The following LIN28B variants were observed in gnomAD, a reference collection of about 807,000 sequenced individuals.
The protein encoded by LIN28B is protein lin-28 homolog B.
In LIN28B, 5 loss-of-function variants were observed where a neutral mutation model predicts 21.9. The ratio of observed to expected loss-of-function variants is 0.23; its 90% CI spans 0.12 to 0.48. LIN28B has a LOEUF of 0.48. Among genes scored for constraint, LIN28B ranks in the 20% least tolerant of loss-of-function variants. The pLI is 0.98. For synonymous variants in LIN28B, 109 were observed against 111.3 expected (o/e 0.98, Z 0.13); for missense variants, 245 against 310.5 (o/e 0.79, Z 1.58).
At chr6:105,018,659 A>G (rs1227342521) in intron 2 of LIN28B, among the ~76,000 whole-genome samples, 6 of 151,682 alleles carry the variant, frequency 4.0e-5, no homozygotes, top group Admixed American at 3.3e-4. Flanking sequence ...GTCTTTTTGA[A>G]TTCATCCTCT....
At chr6:105,064,577 A>C (rs115063101) in intron 3 of LIN28B, among the ~76,000 whole-genome samples, 68 of 152,350 alleles carry the variant, frequency 4.5e-4, no homozygotes, top group African/African-American at 1.6e-3. Context: ...ATTACATGTC[A>C]AACACATAAA....
chr6:104,948,337 C>T (rs1437781929), intron 2 of LIN28B, among the ~76,000 whole-genome samples: 1 of 152,064 alleles, frequency 6.6e-6, no homozygotes, highest in Non-Finnish European at 1.5e-5. Context: ...CATGGTCGCA[C>T]ATGCCTGTAA....
At chr6:105,027,649 G>A (rs1582904854) in intron 3 of LIN28B, among the ~76,000 whole-genome samples, 2 of 151,888 alleles carry the variant, frequency 1.3e-5, no homozygotes, top group South Asian at 2.1e-4. Context: ...TTACAGACAA[G>A]TCTGTGACTC....
At chr6:104,988,868 T>G (rs1254430294) in intron 2 of LIN28B, among the ~76,000 whole-genome samples, 1 of 152,014 alleles carries the variant, frequency 6.6e-6, no homozygotes, top group Non-Finnish European at 1.5e-5. Context: ...CGTGATCCAC[T>G]GTGCCCAGCC....
At chr6:105,027,379 T>G (rs221617) in intron 3 of LIN28B, among the ~76,000 whole-genome samples, 79,888 of 151,828 alleles carry the variant, frequency 0.53, 22,200 homozygotes, top group East Asian at 0.67. Flanking sequence ...TTGTGGTTTT[T>G]TTCACATTAT....
At position 105,078,897 on chromosome 6, in the gene LIN28B, G is replaced by A. The variant is rs918993026; in HGVS notation, c.*114G>A. 8.0e-7 allele frequency: 1 copy of A among 1,249,294 alleles called. No homozygotes were observed. The highest frequency in any genetic ancestry group is 1.5e-5 in the South Asian group (1 of 65,332). 77.4% of individuals were successfully genotyped at this position (1,249,294 alleles called of 1,614,324 possible). A position where few individuals can be genotyped will look rare whatever the true frequency, so the allele number is the denominator to read the frequency against. ...TGACCTGGGATTTTAACTACTATTG[G>A]GGAACTGTGAATTTTTTAAACAGAC... is the stretch of plus-strand genomic sequence containing the variant. On this transcript the variant is annotated 3_prime_UTR_variant, in exon 4 of 4. Transcript: ENST00000345080.
chr6:104,978,048 T>A lies in LIN28B; in HGVS notation c.198+19762T>A, dbSNP rs187776204. 2.6e-3 allele frequency among the ~76,000 whole-genome samples: 400 copies of A among 152,366 alleles called. 6 individuals are homozygous for A. Among genetic ancestry groups the A allele is most frequent in the African/African-American group, 9.4e-3 (389 of 41,600 alleles). ...ACTCTTCTTGTTTAAGAAAACCAAG[T>A]GTTTAACCTATATTCCATCCCCTTC... On this transcript the variant is annotated intron_variant, in intron 2 of 3. Transcript: ENST00000345080.
intron 3 of LIN28B, among the ~76,000 whole-genome samples, chr6:105,042,522 T>C (rs943790567): frequency 1.3e-5 from 2 of 152,218 alleles, no homozygotes; most frequent in African/African-American, 4.8e-5. Flanking sequence ...TCATGTCTTT[T>C]CTCAGCATTT....
intron 2 of LIN28B, among the ~76,000 whole-genome samples, chr6:104,983,909 G>A (rs1480653012): frequency 4.6e-5 from 7 of 151,980 alleles, no homozygotes; most frequent in South Asian, 2.1e-4. Context: ...TTTTCTGATC[G>A]GCTACAGACC....
At chr6:104,949,760 G>T (rs1284764538) in intron 2 of LIN28B, among the ~76,000 whole-genome samples, 2 of 152,082 alleles carry the variant, frequency 1.3e-5, no homozygotes, top group Non-Finnish European at 1.5e-5. Flanking sequence ...CTTGATTACT[G>T]TGTGGCCTCT....
chr6:104,991,538 C>T (rs1364035085), intron 2 of LIN28B, among the ~76,000 whole-genome samples: 39 of 147,400 alleles, frequency 2.6e-4, no homozygotes, highest in African/African-American at 8.1e-4. Flanking sequence ...ACTGGGCAGC[C>T]GGGCAGAGGG....
intron 3 of LIN28B, among the ~76,000 whole-genome samples, chr6:105,035,323 G>C (rs995197764): frequency 1.3e-5 from 2 of 152,002 alleles, no homozygotes; most frequent in African/African-American, 4.8e-5. Flanking sequence ...ATAAATAACT[G>C]TTTCACCCTG....
At chr6:104,943,971 A>G (rs1468670797) in intron 2 of LIN28B, among the ~76,000 whole-genome samples, 1 of 152,170 alleles carries the variant, frequency 6.6e-6, no homozygotes, top group Non-Finnish European at 1.5e-5. Context: ...TTTCTCTGAC[A>G]CAATGATGCT....
intron 3 of LIN28B, among the ~76,000 whole-genome samples, chr6:105,028,320 T>C (rs747536123): frequency 6.6e-6 from 1 of 152,070 alleles, no homozygotes; most frequent in Non-Finnish European, 1.5e-5. Flanking sequence ...AAATTTTAGG[T>C]TGAAAAGTAA....
rs560599210 is a variant in LIN28B, at chr6:104,958,184, C to G, written c.96C>G (p.Gly32=). The G allele has an allele frequency of 6.8e-6, 11 of 1,609,052 alleles. No homozygotes were observed. The South Asian group carries it at 1.2e-4, about 18-fold the overall frequency. The change falls in exon 2 of 4, where the codon GGC becomes GGG. Residue 32 remains glycine, a synonymous_variant. Transcript: ENST00000345080. ...EEESQVLRGT[G]HCKWFNVRMG... is the part of the protein sequence containing the mutation. ...AATCCCAGGTTTTGCGCGGAACTGG[C>G]CACTGTAAGTGGTTCAATGTGCGCA...
chr6:104,976,072 G>C (rs1770088532), intron 2 of LIN28B, among the ~76,000 whole-genome samples: 1 of 152,122 alleles, frequency 6.6e-6, no homozygotes, highest in African/African-American at 2.4e-5. Context: ...CCCCAGGGTA[G>C]TGCTCTTAAA....
intron 2 of LIN28B, among the ~76,000 whole-genome samples, chr6:104,937,883 C>G (rs1370495150): frequency 6.6e-6 from 1 of 151,696 alleles, no homozygotes; most frequent in Non-Finnish European, 1.5e-5. Context: ...AGAGTAAGAG[C>G]CTGTTCTCTT....
chr6:105,060,392 G>A (rs1167164336), intron 3 of LIN28B, among the ~76,000 whole-genome samples: 1 of 152,116 alleles, frequency 6.6e-6, no homozygotes, highest in Non-Finnish European at 1.5e-5. Flanking sequence ...GCCTCCCAAA[G>A]TTGTTGAGAT....
At chr6:105,057,080 CT>C (rs1482402426) in intron 3 of LIN28B, among the ~76,000 whole-genome samples, 2 of 152,080 alleles carry the variant, frequency 1.3e-5, no homozygotes, top group Admixed American at 6.5e-5. Flanking sequence ...GTATTCATAA[CT>C]TTTTTTGTAA....
Sources: gnomAD v4.1 joint callset for allele counts (sites outside exome capture counted in the v4.1 genomes callset) on GRCh38, gnomAD v4.1.1 for gene constraint, MANE v1.5 for transcripts, NCBI Gene and HGNC (gene_info 2026-07-23, HGNC 2026-07-21) for gene names.